SARDH: variants seen among roughly 807,000 people sequenced by gnomAD.
SARDH encodes the protein sarcosine dehydrogenase.
In SARDH, 95 loss-of-function variants were observed where a neutral mutation model predicts 109.1. That is an observed-to-expected ratio of 0.87 (90% CI 0.74 to 1.03). SARDH has a LOEUF of 1.03. Among genes scored for constraint, SARDH ranks in the 50% least tolerant of loss-of-function variants. The probability of loss-of-function intolerance (pLI) is 0.00; values close to 1 mark genes in which losing one functional copy is unlikely to be tolerated. For missense variants in SARDH, 1,267 were observed against 1,287.8 expected (o/e 0.98, Z 0.25); for synonymous variants, 572 against 534.8 (o/e 1.07, Z -0.96).
At chr9:133,717,825 C>G (rs1318347091) in intron 7 of SARDH, among the ~76,000 whole-genome samples, 1 of 152,172 alleles carries the variant, frequency 6.6e-6, no homozygotes, top group Non-Finnish European at 1.5e-5. Context: ...TCCTGCAGCT[C>G]TTTGGGAAGA....
rs959662742 is a variant in SARDH at position 133,666,191 on chromosome 9, C to T, written c.2631+544G>A. Reference sequence around the variant, plus strand: ...TGGGGTTGCCTGGGGTCAGGGGTGTCGGGGGTGAGGAAAGAGAGGATAGGA... The same window carrying T: ...TGGGGTTGCCTGGGGTCAGGGGTGTTGGGGGTGAGGAAAGAGAGGATAGGA... On this transcript the variant is annotated intron_variant, in intron 20 of 20. Coordinates refer to ENST00000439388, the MANE Select transcript of SARDH (RefSeq NM_001134707.2). This position sits in a 1 kb window ranked among gnomAD's most constrained non-coding sequence, Gnocchi z 5.2. Among the ~76,000 whole-genome samples the T allele has an allele frequency of 6.6e-6, 1 of 150,720 alleles. No individual in the cohort carries two copies. Among genetic ancestry groups the T allele is most frequent in the African/African-American group, 2.4e-5 (1 of 40,960 alleles).
rs1298629279 is a variant in SARDH at position 133,667,025 on chromosome 9, G to A, written c.2496-155C>T. 3.1e-6 allele frequency: 3 copies of A among 961,014 alleles called. No individual in the cohort carries two copies. The Admixed American group carries it at 6.2e-5, about 20-fold the overall frequency. The allele number at this position is 961,014 out of a possible 1,614,324, so 59.5% of individuals were successfully genotyped here. On this transcript the variant is annotated intron_variant, in intron 19 of 20. Coordinates refer to ENST00000439388, the MANE Select transcript of SARDH (RefSeq NM_001134707.2). ...CCTACTAGGACTACGCTGGTCCCCA[G>A]AGCCAGCCCAGCACCTGGCCTGGAC...
At chr9:133,717,592 C>A in intron 7 of SARDH, 137 bp from the exon 8 acceptor site, 2 of 1,282,048 alleles carry the variant, frequency 1.6e-6, no homozygotes, top group Non-Finnish European at 2.1e-6. Flanking sequence ...GTCACCCACA[C>A]GTCCCAGCCG....
chr9:133,664,389 C>T (rs575722880), intron 20 of SARDH, among the ~76,000 whole-genome samples: 4 of 152,350 alleles, frequency 2.6e-5, no homozygotes, highest in East Asian at 1.9e-4. Flanking sequence ...GGGGCCAATC[C>T]GGCTCGAATC....
rs1295226848 is a variant in SARDH at position 133,670,248 on chromosome 9, G to A, written c.2495+336C>T. On this transcript the variant is annotated intron_variant, in intron 19 of 20. Transcript: ENST00000439388. ...GGAGGCTGAGGCAGGAGAATCACTT[G>A]AACCTGGGAGGCGGAGGTTGCAGTG... Among the ~76,000 whole-genome samples, 9 of 150,016 alleles carry A rather than the reference G, an allele frequency of 6.0e-5. No individual in the cohort carries two copies. In the East Asian group the frequency reaches 1.6e-3, roughly 27 times the overall value.
At chr9:133,678,906 G>A (rs1353529172) in intron 17 of SARDH, among the ~76,000 whole-genome samples, 1 of 152,170 alleles carries the variant, frequency 6.6e-6, no homozygotes, top group African/African-American at 2.4e-5. Flanking sequence ...TGGGTGAGGG[G>A]AGGGCTCACA....
intron 17 of SARDH, among the ~76,000 whole-genome samples, chr9:133,684,123 G>A (rs926595904): frequency 6.6e-6 from 1 of 152,238 alleles, no homozygotes; most frequent in African/African-American, 2.4e-5. Context: ...AAACAAGCAG[G>A]GTGGTCATGC....
At chr9:133,730,232 G>T in intron 4 of SARDH, 45 bp from the exon 5 acceptor site, 1 of 1,604,990 alleles carries the variant, frequency 6.2e-7, no homozygotes. Flanking sequence ...GGGACTCCCC[G>T]GGGGTGCTTC....
At position 133,725,013 on chromosome 9, in the gene SARDH, C is replaced by T. The variant is rs776743448; in HGVS notation, c.915+4752G>A. On this transcript the variant is annotated intron_variant, in intron 6 of 20. Transcript: ENST00000439388. ...CACCAAATGTCCACCAGTGGGTGAA[C>T]GGATAAAGTGCATTGTATCCATACA... is the stretch of plus-strand genomic sequence containing the variant. Among the ~76,000 whole-genome samples, 8 of 152,076 alleles carry T rather than the reference C, an allele frequency of 5.3e-5. No individual in the cohort carries two copies. The South Asian group carries it at 1.0e-3, about 20-fold the overall frequency.
chr9:133,736,140 C>T (rs1832877780), intron 1 of SARDH, among the ~76,000 whole-genome samples: 1 of 152,150 alleles, frequency 6.6e-6, no homozygotes, highest in African/African-American at 2.4e-5. Flanking sequence ...CACATGCTGC[C>T]TAGTAACCTC....
Position 133,733,727 on chromosome 9 carries a change from AG to A in SARDH, c.331+115del, listed in dbSNP as rs1465209355. ...GCAAACTGGCCATGCACCCTTCCCC[AG>A]GGTCTCTTCCCCAGGCTGGTTGTTG... On this transcript the variant is annotated intron_variant, in intron 2 of 20. Coordinates refer to ENST00000439388, the MANE Select transcript of SARDH (RefSeq NM_001134707.2). 117 of 1,053,440 alleles carry A rather than the reference AG, an allele frequency of 1.1e-4. 1 individual carries two copies. The highest frequency in any genetic ancestry group is 1.4e-4 in the Non-Finnish European group (112 of 782,972). 65.3% of individuals were successfully genotyped at this position (1,053,440 alleles called of 1,614,324 possible).
At chr9:133,696,498 C>T in intron 13 of SARDH, 137 bp from the exon 14 acceptor site, 1 of 1,033,814 alleles carries the variant, frequency 9.7e-7, no homozygotes, top group Non-Finnish European at 1.4e-6. Flanking sequence ...CCGCACCAAG[C>T]CCTTCTCAGC....
At chr9:133,711,211 A>G (rs990468622) in intron 10 of SARDH, among the ~76,000 whole-genome samples, 3 of 152,248 alleles carry the variant, frequency 2.0e-5, no homozygotes, top group Non-Finnish European at 4.4e-5. Flanking sequence ...CAGGCTGGGC[A>G]GCTCCATTTT....
At chr9:133,720,650 G>C (rs908522591) in intron 6 of SARDH, among the ~76,000 whole-genome samples, 7 of 146,808 alleles carry the variant, frequency 4.8e-5, no homozygotes, top group African/African-American at 1.4e-4. Context: ...GCAGGAAAGA[G>C]AGAGAGAGCA....
chr9:133,717,293 G>A, intron 8 of SARDH, 33 bp downstream of exon 8: 3 of 1,611,982 alleles, frequency 1.9e-6, no homozygotes, highest in Non-Finnish European at 2.5e-6. Context: ...AGGACCCATG[G>A]ACGCCCACCC....
At chr9:133,726,987 A>G (rs1832515588) in intron 6 of SARDH, among the ~76,000 whole-genome samples, 1 of 152,168 alleles carries the variant, frequency 6.6e-6, no homozygotes, top group African/African-American at 2.4e-5. Flanking sequence ...GAGCGGTGAC[A>G]GACTTGGCCA....
rs115932442 is a variant in SARDH, at chr9:133,710,055, C to T, written c.1329-1627G>A. On this transcript the variant is annotated intron_variant, in intron 10 of 20. Transcript: ENST00000439388. ...GAGCAAGTGGGCAGAGGGACCAGGC[C>T]GGCCCAGACCACCCTTTTCACTTAA... is the stretch of plus-strand genomic sequence containing the variant. 5.3e-3 allele frequency among the ~76,000 whole-genome samples: 811 copies of T among 152,242 alleles called. 13 individuals are homozygous for T. Among genetic ancestry groups the T allele is most frequent in the African/African-American group, 0.018 (765 of 41,534 alleles).
At chr9:133,710,852 G>C (rs911915958) in intron 10 of SARDH, among the ~76,000 whole-genome samples, 2 of 152,262 alleles carry the variant, frequency 1.3e-5, no homozygotes, top group African/African-American at 4.8e-5. Context: ...CGGCTGGGCT[G>C]AGGACGGCAT....
At chr9:133,674,260 C>T (rs1830444456) in intron 17 of SARDH, among the ~76,000 whole-genome samples, 1 of 152,246 alleles carries the variant, frequency 6.6e-6, no homozygotes, top group Non-Finnish European at 1.5e-5. Flanking sequence ...GTGGGAACAG[C>T]GTCTCCCAGC....
Sources: allele counts gnomAD v4.1 joint callset (sites outside exome capture counted in the v4.1 genomes callset), GRCh38; gene constraint gnomAD v4.1.1; non-coding constraint Gnocchi (gnomAD v3.1); transcripts MANE v1.5; gene names NCBI Gene and HGNC (gene_info 2026-07-23, HGNC 2026-07-21).